Variants in GDAP1 observed in about 807,000 individuals in gnomAD.
GDAP1 encodes the protein ganglioside-induced differentiation-associated protein 1.
In GDAP1, 34 loss-of-function variants were observed where a neutral mutation model predicts 40.1. That is an observed-to-expected ratio of 0.85 (90% CI 0.64 to 1.13). GDAP1 has a LOEUF of 1.13. GDAP1 is among the 50% of genes most tolerant of loss of function. The pLI is 0.00. For synonymous variants in GDAP1, 170 were observed against 157.4 expected, an observed-to-expected ratio of 1.08 and a Z score of -0.60; for missense variants, 374 against 433.7, an observed-to-expected ratio of 0.86 and a Z score of 1.22.
intron 2 of GDAP1, among the ~76,000 whole-genome samples, chr8:74,380,502 CTTT>C (rs5892455): frequency 2.0e-5 from 3 of 148,982 alleles, no homozygotes; most frequent in Non-Finnish European, 4.5e-5. Flanking sequence ...CCTACAGAGT[CTTT>C]TTTTTTTTTC....
intron 2 of GDAP1, among the ~76,000 whole-genome samples, chr8:74,425,528 T>G (rs1415787637): frequency 1.3e-5 from 2 of 152,138 alleles, no homozygotes; most frequent in Non-Finnish European, 2.9e-5. Flanking sequence ...AATAAAGCAA[T>G]TACCCTTATC....
chr8:74,422,350 TTCCCTTCCTTCCTTCCTTCC>T (rs1230536767), intron 2 of GDAP1, among the ~76,000 whole-genome samples: 1,581 of 47,568 alleles, frequency 0.033, 62 homozygotes, highest in African/African-American at 0.075. Flanking sequence ...TCTTTCTTTC[TTCCCTTCCTTCCTTCCTTCC>T]TTCCTTCCTT....
At chr8:74,395,746 CTGTA>C (rs1810187857) in intron 2 of GDAP1, among the ~76,000 whole-genome samples, 1 of 152,140 alleles carries the variant, frequency 6.6e-6, no homozygotes, top group Admixed American at 6.6e-5. Flanking sequence ...ACACCTGTAT[CTGTA>C]TCTCTAGTCA....
chr8:74,469,536 C>T (rs1357633662), intron 2 of GDAP1, among the ~76,000 whole-genome samples: 3 of 151,666 alleles, frequency 2.0e-5, no homozygotes, highest in Non-Finnish European at 4.4e-5. Context: ...GGCGCGGTGG[C>T]GGGCGCCTGT....
intron 2 of GDAP1, among the ~76,000 whole-genome samples, chr8:74,458,206 T>C (rs1481820101): frequency 6.6e-6 from 1 of 152,002 alleles, no homozygotes; most frequent in Non-Finnish European, 1.5e-5. Context: ...ACCTATACTT[T>C]AGCAGTTTAA....
In GDAP1 at chr8:74,360,284, C is replaced by T. The variant is rs538412810; in HGVS notation, c.458C>T (p.Pro153Leu). 16 of 1,613,894 alleles carry T rather than the reference C, an allele frequency of 9.9e-6. No homozygotes were observed. Among genetic ancestry groups the T allele is most frequent in the Admixed American group, 5.0e-5 (3 of 60,008 alleles). The part of the protein sequence containing the change: ...HPELTVDSMI[P>L]AYATTRIRSQ... ...GAGTTAACTGTGGACTCCATGATCC[C>T]GGCTTATGCAACTACAAGGATTCGT... The change falls in exon 3 of 6, where the codon CCG becomes CTG. Residue 153 changes from proline (P) to leucine (L), a missense_variant. Pro to Leu is a moderately conservative substitution (Grantham distance 98). Transcript: ENST00000220822.
At chr8:74,396,257 A>G (rs1164591674) in intron 2 of GDAP1, among the ~76,000 whole-genome samples, 3 of 151,996 alleles carry the variant, frequency 2.0e-5, no homozygotes, top group Non-Finnish European at 4.4e-5. Flanking sequence ...CGTGAAATTT[A>G]TTGGTTTCCA....
intron 2 of GDAP1, among the ~76,000 whole-genome samples, chr8:74,409,831 GT>G (rs1434864086): frequency 1.3e-5 from 2 of 149,922 alleles, no homozygotes; most frequent in Non-Finnish European, 2.9e-5. Context: ...CCTAGTTCCT[GT>G]TTTCCTGCAT....
At chr8:74,402,076 C>T (rs1235510845) in intron 2 of GDAP1, among the ~76,000 whole-genome samples, 2 of 150,234 alleles carry the variant, frequency 1.3e-5, no homozygotes, top group Non-Finnish European at 1.5e-5. Context: ...CCACTGCTCT[C>T]TTCAAAGCTG....
chr8:74,397,918 T>C (rs1409159147), intron 2 of GDAP1, among the ~76,000 whole-genome samples: 2 of 151,894 alleles, frequency 1.3e-5, no homozygotes, highest in Non-Finnish European at 2.9e-5. Flanking sequence ...TTGATGGGGA[T>C]GGCATTGAAT....
At chr8:74,457,114 A>C (rs553722006) in intron 2 of GDAP1, among the ~76,000 whole-genome samples, 3 of 152,178 alleles carry the variant, frequency 2.0e-5, no homozygotes, top group Non-Finnish European at 4.4e-5. Flanking sequence ...TTATGTCTAA[A>C]AATTATATTC....
downstream of GDAP1, among the ~76,000 whole-genome samples, chr8:74,367,412 T>C (rs7842662): frequency 0.36 from 54,507 of 152,024 alleles, 10,295 homozygotes; most frequent in Middle Eastern, 0.46. Context: ...GCAAATTAAA[T>C]GCAAGTCTAA....
chr8:74,392,907 C>T (rs1386426933), intron 2 of GDAP1, among the ~76,000 whole-genome samples: 1 of 152,156 alleles, frequency 6.6e-6, no homozygotes, highest in African/African-American at 2.4e-5. Context: ...TTTACATTAG[C>T]CAGAAAAATC....
chr8:74,365,407 T>C lies in GDAP1; in HGVS notation c.*1040T>C. Reference sequence around the variant, plus strand: ...ATTCACTGATGTATGTTTAAGGGATTTGGGGGGGATACCTCAGTTCATGTG... The same window carrying C: ...ATTCACTGATGTATGTTTAAGGGATCTGGGGGGGATACCTCAGTTCATGTG... On this transcript the variant is annotated 3_prime_UTR_variant, in exon 6 of 6. Transcript: ENST00000220822. 3 of 453,836 alleles carry C rather than the reference T, an allele frequency of 6.6e-6. No homozygotes were observed. Among genetic ancestry groups the C allele is most frequent in the South Asian group, 3.1e-5 (2 of 64,448 alleles). The allele number at this position is 453,836 out of a possible 1,614,324, so 28.1% of individuals were successfully genotyped here. A position where few individuals can be genotyped will look rare whatever the true frequency, so the allele number is the denominator to read the frequency against.
In GDAP1 at chr8:74,487,763, T is replaced by G. The variant is rs543575889; in HGVS notation, c.166-915T>G. Among the ~76,000 whole-genome samples the G allele has an allele frequency of 2.0e-5, 3 of 152,272 alleles. No homozygotes were observed. The South Asian group carries it at 6.2e-4, about 32-fold the overall frequency. On this transcript the variant is annotated intron_variant, in intron 2 of 2. Coordinates refer to the GDAP1 transcript ENST00000523640. ...TTTTATATTTGCCTCTTTAACTTAATCTTAGGATCTAAGAATCAGCTCTGG... is the reference window on the plus strand; with the variant it reads ...TTTTATATTTGCCTCTTTAACTTAAGCTTAGGATCTAAGAATCAGCTCTGG...
rs573958974 is a variant in GDAP1 at position 74,409,113 on chromosome 8, T to A, written c.165+57792T>A. Among the ~76,000 whole-genome samples, 231 of 150,136 alleles carry A rather than the reference T, an allele frequency of 1.5e-3. 1 individual carries two copies. Among genetic ancestry groups the A allele is most frequent in the Non-Finnish European group, 2.6e-3 (180 of 68,036 alleles). On this transcript the variant is annotated intron_variant, in intron 2 of 2. Transcript: ENST00000523640. ...AAGTGCTCTATACGTGATTCTGATG[T>A]GCAATCAGAATGTCAAAACTTTTAT...
At chr8:74,422,576 G>A (rs2131560354) in intron 2 of GDAP1, among the ~76,000 whole-genome samples, 1 of 138,358 alleles carries the variant, frequency 7.2e-6, no homozygotes, top group South Asian at 2.3e-4. Flanking sequence ...AATTCAAATA[G>A]ATGCAAAATC....
At chr8:74,441,094 A>G (rs1262310120) in intron 2 of GDAP1, among the ~76,000 whole-genome samples, 3 of 152,088 alleles carry the variant, frequency 2.0e-5, no homozygotes, top group Non-Finnish European at 4.4e-5. Flanking sequence ...CTAACTTCAA[A>G]TTTACATTTT....
At chr8:74,445,576 A>G (rs1806217442) in intron 2 of GDAP1, among the ~76,000 whole-genome samples, 1 of 152,210 alleles carries the variant, frequency 6.6e-6, no homozygotes, top group Non-Finnish European at 1.5e-5. Flanking sequence ...TGAATAGTAC[A>G]CATCTTTATG....
Sources: gnomAD v4.1 joint callset for allele counts (sites outside exome capture counted in the v4.1 genomes callset) on GRCh38, gnomAD v4.1.1 for gene constraint, MANE v1.5 for transcripts, NCBI Gene and HGNC (gene_info 2026-07-23, HGNC 2026-07-21) for gene names.